The following STAC2 variants were observed in gnomAD, a reference collection of about 807,000 sequenced individuals.
STAC2 encodes SH3 and cysteine rich domain 2.
Under a neutral mutation model 49.0 loss-of-function variants are expected in STAC2, and 36 were observed. The ratio of observed to expected loss-of-function variants is 0.74; its 90% CI spans 0.56 to 0.97. The LOEUF is 0.97. STAC2 is among the 50% of genes least tolerant of loss of function. The pLI is 0.00. For missense variants in STAC2, 527 were observed against 543.8 expected, an observed-to-expected ratio of 0.97 and a Z score of 0.31; for synonymous variants, 239 against 214.7, an observed-to-expected ratio of 1.11 and a Z score of -0.99.
rs550523731 is a variant in STAC2, at chr17:39,211,917, C to T, written c.*375G>A. ...TGGGGAGAGGGGTGTGCCAGGCATG[C>T]GCAGGTGGTGTGGGCAGGGGAAGGC... On this transcript the variant is annotated 3_prime_UTR_variant, in exon 11 of 11. Transcript: ENST00000333461. 6.0e-5 allele frequency: 12 copies of T among 201,304 alleles called. 1 individual carries two copies. The highest frequency in any genetic ancestry group is 5.7e-4 in the East Asian group (4 of 6,988). The allele number at this position is 201,304 out of a possible 1,614,324, so 12.5% of individuals were successfully genotyped here.
chr17:39,222,356 T>A (rs1446001904), intron 1 of STAC2, among the ~76,000 whole-genome samples: 2 of 152,206 alleles, frequency 1.3e-5, no homozygotes, highest in Non-Finnish European at 2.9e-5. Context: ...GCCGACTCCC[T>A]GGCTTGGCTG....
At chr17:39,224,771 G>C (rs1243509185) in intron 1 of STAC2, among the ~76,000 whole-genome samples, 1 of 152,104 alleles carries the variant, frequency 6.6e-6, no homozygotes, top group Non-Finnish European at 1.5e-5. Flanking sequence ...CCCCGTCCTC[G>C]CCCGTGACCG....
At chr17:39,215,612 G>A (rs989688141) in intron 4 of STAC2, among the ~76,000 whole-genome samples, 3 of 152,204 alleles carry the variant, frequency 2.0e-5, no homozygotes, top group Non-Finnish European at 2.9e-5. Flanking sequence ...ACAGCAGCCA[G>A]AAAGCTTTTG....
At chr17:39,213,461 T>C (rs111677226) in intron 9 of STAC2, 46 bp downstream of exon 9, 1 of 1,610,292 alleles carries the variant, frequency 6.2e-7, no homozygotes. Flanking sequence ...TGGGGGCTGC[T>C]GGGGTGCCTA....
intron 1 of STAC2, among the ~76,000 whole-genome samples, chr17:39,221,362 G>A (rs2046461130): frequency 6.6e-6 from 1 of 152,064 alleles, no homozygotes; most frequent in African/African-American, 2.4e-5. Flanking sequence ...GCCTCCCAAA[G>A]TGCTGGGATT....
At chr17:39,216,988 G>T in intron 3 of STAC2, 88 bp from the exon 4 acceptor site, 2 of 1,594,178 alleles carry the variant, frequency 1.3e-6, no homozygotes, top group Non-Finnish European at 1.7e-6. Flanking sequence ...CACCCCACAG[G>T]AAGGAGCAGC....
intron 1 of STAC2, 83 bp from the exon 2 acceptor site, chr17:39,218,256 T>C: frequency 1.4e-6 from 2 of 1,455,348 alleles, no homozygotes; most frequent in African/African-American, 1.4e-5. Context: ...TCTCTGGCGG[T>C]AGGGGCGGCA....
rs1342879308 is a variant in STAC2 at position 39,211,222 on chromosome 17, C to T, written c.*1070G>A. 6.6e-6 allele frequency: 1 copy of T among 152,298 alleles called. No homozygotes were observed. Among genetic ancestry groups the T allele is most frequent in the African/African-American group, 2.4e-5 (1 of 41,384 alleles). The allele number at this position is 152,298 out of a possible 1,614,324, so 9.4% of individuals were successfully genotyped here. On this transcript the variant is annotated 3_prime_UTR_variant, in exon 11 of 11. Transcript: ENST00000333461. ...TGGGTTTGCTTTGACCAAGCACGGGCCAGGATTTTGTTCTCAGTTGGGTTT... is the reference window on the plus strand; with the variant it reads ...TGGGTTTGCTTTGACCAAGCACGGGTCAGGATTTTGTTCTCAGTTGGGTTT...
At chr17:39,220,480 C>T (rs1476076530) in intron 1 of STAC2, among the ~76,000 whole-genome samples, 1 of 110,122 alleles carries the variant, frequency 9.1e-6, no homozygotes, top group African/African-American at 3.7e-5. Context: ...AGCCTAGATA[C>T]TCTTTTTTTT....
In STAC2 at chr17:39,214,352, G is replaced by A. The variant is rs372027070; in HGVS notation, c.844-22C>T. On this transcript the variant is annotated intron_variant, in intron 7 of 10. Transcript: ENST00000333461. ...GGAGCTGCGGGAGAATCTCTGGGTC[G>A]GTGACCGGAAAGCAGCACCCTCACT... 1.1e-4 allele frequency: 181 copies of A among 1,613,388 alleles called. No individual in the cohort carries two copies. The African/African-American group carries it at 1.4e-3, about 12-fold the overall frequency.
In STAC2 at chr17:39,217,968, G is replaced by A; in HGVS notation, c.296C>T (p.Pro99Leu). ...TGGTTTGAGCGCTGCCAGGGGGCGT[G>A]GGACTGGGCATGGGGAGGGGGATGG... ...ATPSPSPCPV[P>L]RPLAALKPVR... The change falls in exon 2 of 11, where the codon CCA becomes CTA. Residue 99 changes from proline to leucine, a missense_variant. By Grantham distance (98) the Pro-to-Leu change is moderately conservative. Coordinates refer to ENST00000333461, the MANE Select transcript of STAC2 (RefSeq NM_198993.5). The A allele has an allele frequency of 6.3e-7, 1 of 1,592,490 alleles. No homozygotes were observed. Among genetic ancestry groups the A allele is most frequent in the Non-Finnish European group, 8.5e-7 (1 of 1,170,376 alleles).
chr17:39,211,926 T>G lies in STAC2; in HGVS notation c.*366A>C. 4.8e-6 allele frequency: 1 copy of G among 208,622 alleles called. No individual in the cohort carries two copies. The highest frequency in any genetic ancestry group is 9.7e-6 in the Non-Finnish European group (1 of 102,650). 12.9% of individuals were successfully genotyped at this position (208,622 alleles called of 1,614,324 possible). A position where few individuals can be genotyped will look rare whatever the true frequency, so the allele number is the denominator to read the frequency against. On this transcript the variant is annotated 3_prime_UTR_variant, in exon 11 of 11. Transcript: ENST00000333461. ...GGGTGTGCCAGGCATGCGCAGGTGG[T>G]GTGGGCAGGGGAAGGCTGGGAGAAG...
chr17:39,221,973 T>C, intron 1 of STAC2, among the ~76,000 whole-genome samples: 1 of 152,208 alleles, frequency 6.6e-6, no homozygotes, highest in Non-Finnish European at 1.5e-5. Flanking sequence ...GCAAGCAGTC[T>C]CTTGGGACAG....
chr17:39,214,462 G>C, intron 7 of STAC2, 132 bp from the exon 8 acceptor site: 2 of 1,495,500 alleles, frequency 1.3e-6, no homozygotes, highest in Non-Finnish European at 1.8e-6. Context: ...GCAGGGAGAA[G>C]TGAGACCCTC....
rs552805195 is a variant in STAC2, at chr17:39,214,335, G to A, written c.844-5C>T. ...CCGCAGGGTGGCTTTGGGGAGCTGCGGGAGAATCTCTGGGTCGGTGACCGG... is the reference window on the plus strand; with the variant it reads ...CCGCAGGGTGGCTTTGGGGAGCTGCAGGAGAATCTCTGGGTCGGTGACCGG... On this transcript the variant is annotated splice_polypyrimidine_tract_variant and splice_region_variant and intron_variant, in intron 7 of 10. Coordinates refer to ENST00000333461, the MANE Select transcript of STAC2 (RefSeq NM_198993.5). The A allele has an allele frequency of 9.3e-6, 15 of 1,613,832 alleles. No individual in the cohort carries two copies. The highest frequency in any genetic ancestry group is 6.7e-5 in the East Asian group (3 of 44,874).
At chr17:39,214,898 G>A (rs796727047) in intron 6 of STAC2, 37 bp from the exon 7 acceptor site, 3 of 1,613,872 alleles carry the variant, frequency 1.9e-6, no homozygotes, top group Non-Finnish European at 2.5e-6. Flanking sequence ...GAGGCAGCAG[G>A]GAGCACCCTC....
chr17:39,214,841 G>T lies in STAC2; in HGVS notation c.793C>A (p.Pro265Thr), dbSNP rs764404407. The T allele has an allele frequency of 6.2e-7, 1 of 1,614,078 alleles. No homozygotes were observed. The highest frequency in any genetic ancestry group is 8.5e-7 in the Non-Finnish European group (1 of 1,179,988). Residue 265 changes from proline (P) to threonine (T), a missense_variant, in exon 7 of 11, where the codon CCA becomes ACA. Coordinates refer to ENST00000333461, the MANE Select transcript of STAC2 (RefSeq NM_198993.5). Reference sequence around the variant, plus strand: ...GGTCCTGGCCCTTCACTCTCTGCTGGGGCTGTGAATACTGGAGATGCTAGG... The same window carrying T: ...GGTCCTGGCCCTTCACTCTCTGCTGTGGCTGTGAATACTGGAGATGCTAGG... Reference protein sequence around the residue: ...GDSASPVFTAPAESEGPGPEE... With the variant: ...GDSASPVFTATAESEGPGPEE...
chr17:39,222,619 C>G (rs771215755), intron 1 of STAC2, among the ~76,000 whole-genome samples: 2 of 152,194 alleles, frequency 1.3e-5, no homozygotes, highest in Non-Finnish European at 2.9e-5. Flanking sequence ...CCCCACTATA[C>G]TTTTGGTGCC....
At chr17:39,216,656 G>A (rs2046404822) in intron 4 of STAC2, among the ~76,000 whole-genome samples, 154 bp downstream of exon 4, 1 of 152,104 alleles carries the variant, frequency 6.6e-6, no homozygotes, top group Non-Finnish European at 1.5e-5. Context: ...AGGCTGGAGT[G>A]CAGTGGCGTG....
Sources: gnomAD v4.1 joint callset for allele counts (sites outside exome capture counted in the v4.1 genomes callset) on GRCh38, gnomAD v4.1.1 for gene constraint, MANE v1.5 for transcripts, NCBI Gene and HGNC (gene_info 2026-07-23, HGNC 2026-07-21) for gene names.